HECW1: variants seen among roughly 807,000 people sequenced by gnomAD.
HECW1 encodes HECT, C2 and WW domain containing E3 ubiquitin protein ligase 1.
Under a neutral mutation model 182.3 loss-of-function variants are expected in HECW1, and 61 were observed. The observed-to-expected ratio is 0.33, with a 90% CI of 0.27 to 0.41. The LOEUF (loss-of-function observed/expected upper bound fraction) is 0.41. Among genes scored for constraint, HECW1 ranks in the 10% least tolerant of loss-of-function variants. The pLI is 1.00. For missense variants in HECW1, 1,739 were observed against 2,108.9 expected (o/e 0.82, Z 3.44); for synonymous variants, 859 against 832.6 (o/e 1.03, Z -0.55).
At chr7:43,239,764 A>G (rs1432311089) in intron 2 of HECW1, 1 of 152,162 alleles carries the variant, frequency 6.6e-6, no homozygotes, top group Non-Finnish European at 1.5e-5. Context: ...TTTAAATATC[A>G]CAAGCCCCCT....
chr7:43,344,556 G>C (rs1813432117), intron 5 of HECW1, among the ~76,000 whole-genome samples: 1 of 150,086 alleles, frequency 6.7e-6, no homozygotes, highest in East Asian at 1.9e-4. Flanking sequence ...TGTTCCTTTT[G>C]GATTCATAGG....
At chr7:43,184,573 C>T (rs1168543523) in intron 2 of HECW1, among the ~76,000 whole-genome samples, 2 of 151,998 alleles carry the variant, frequency 1.3e-5, no homozygotes, top group African/African-American at 4.8e-5. Context: ...AGGGGCTGGT[C>T]ATAAGAAAGA....
At chr7:43,273,360 A>C (rs1802660438) in intron 3 of HECW1, among the ~76,000 whole-genome samples, 2 of 152,326 alleles carry the variant, frequency 1.3e-5, no homozygotes, top group East Asian at 3.9e-4. Flanking sequence ...ATAGATTGAA[A>C]TGGTATGAGT....
intron 3 of HECW1, among the ~76,000 whole-genome samples, chr7:43,302,004 T>G (rs1390698293): frequency 2.0e-5 from 3 of 152,178 alleles, no homozygotes; most frequent in Admixed American, 2.0e-4. Flanking sequence ...TACAGCACCT[T>G]GATCCTCCAT....
intron 6 of HECW1, among the ~76,000 whole-genome samples, chr7:43,382,804 T>A (rs1210057779): frequency 6.6e-6 from 1 of 152,196 alleles, no homozygotes; most frequent in Non-Finnish European, 1.5e-5. Context: ...GGGATACATG[T>A]GCTAAACATG....
intron 13 of HECW1, among the ~76,000 whole-genome samples, chr7:43,460,507 C>T (rs1467051867): frequency 6.6e-6 from 1 of 151,704 alleles, no homozygotes; most frequent in African/African-American, 2.4e-5. Context: ...TTTTTTCCTT[C>T]TTGTTTGGCT....
chr7:43,315,554 C>T (rs1201141463), intron 4 of HECW1, among the ~76,000 whole-genome samples: 5 of 151,882 alleles, frequency 3.3e-5, no homozygotes, highest in Non-Finnish European at 7.4e-5. Context: ...AGTACAATGG[C>T]ACGATCCCAG....
chr7:43,445,582 A>C lies in HECW1; in HGVS notation c.2398+12A>C. 1 of 1,552,530 alleles carries C rather than the reference A, an allele frequency of 6.4e-7. No individual in the cohort carries two copies. The highest frequency in any genetic ancestry group is 8.7e-7 in the Non-Finnish European group (1 of 1,145,064). ...CAATCGGAGAGAAGGTTAGACCTCA[A>C]ACCTGATCAGAGTGAGAATAGGACC... On this transcript the variant is annotated intron_variant, in intron 11 of 29. Coordinates refer to ENST00000395891, the MANE Select transcript of HECW1 (RefSeq NM_015052.5).
intron 2 of HECW1, among the ~76,000 whole-genome samples, chr7:43,150,256 A>C (rs1309777848): frequency 6.6e-6 from 1 of 152,236 alleles, no homozygotes; most frequent in Non-Finnish European, 1.5e-5. Flanking sequence ...AGGTTACTTA[A>C]CTTTCTAAGA....
chr7:43,135,716 C>A (rs1266936695), intron 2 of HECW1, among the ~76,000 whole-genome samples: 2 of 152,054 alleles, frequency 1.3e-5, no homozygotes, highest in African/African-American at 4.8e-5. Context: ...CTTTTTGATA[C>A]CTCTGATTTG....
intron 2 of HECW1, among the ~76,000 whole-genome samples, chr7:43,222,313 C>T (rs1469509058): frequency 1.3e-5 from 2 of 152,172 alleles, no homozygotes; most frequent in African/African-American, 2.4e-5. Context: ...GTCAGCTTTC[C>T]TTCCAATAAA....
In HECW1 at chr7:43,552,334, G is replaced by A. The variant is rs774350571; in HGVS notation, c.4508G>A (p.Gly1503Glu). 6.3e-7 allele frequency: 1 copy of A among 1,582,554 alleles called. No homozygotes were observed. The highest frequency in any genetic ancestry group is 1.7e-5 in the Admixed American group (1 of 59,990). Residue 1503 changes from glycine to glutamate, a missense_variant and splice_region_variant, in exon 28 of 30, where the codon GGA becomes GAA. Coordinates refer to ENST00000395891, the MANE Select transcript of HECW1 (RefSeq NM_015052.5). ...TGGCGGAATAACACTGAGTACCGGG[G>A]AGGTGAGTGGGCAGGAGCTGTAATG... ...NDWRNNTEYR[G>E]GYHDGHLVIR...
At chr7:43,431,871 C>T (rs901355505) in intron 8 of HECW1, among the ~76,000 whole-genome samples, 6 of 136,588 alleles carry the variant, frequency 4.4e-5, no homozygotes, top group Non-Finnish European at 9.9e-5. Context: ...TTCATCCCAC[C>T]GACACTTGCT....
Position 43,500,133 on chromosome 7 carries a change from C to T in HECW1, c.3438-566C>T, listed in dbSNP as rs959570101. Among the ~76,000 whole-genome samples, 15 of 150,084 alleles carry T rather than the reference C, an allele frequency of 1.0e-4. No homozygotes were observed. The East Asian group carries it at 2.5e-3, about 25-fold the overall frequency. ...TTTTTTTTTTTGAGATGAAGTCTTC[C>T]TCTGTCGCCCAGGCTGGAGTGCAGT... On this transcript the variant is annotated intron_variant, in intron 19 of 29. Coordinates refer to ENST00000395891, the MANE Select transcript of HECW1 (RefSeq NM_015052.5).
At chr7:43,497,034 A>G (rs1286620934) in intron 19 of HECW1, among the ~76,000 whole-genome samples, 2 of 152,196 alleles carry the variant, frequency 1.3e-5, no homozygotes, top group East Asian at 3.9e-4. Context: ...AGCCATATAC[A>G]GCTGCATAAT....
At chr7:43,412,900 G>A (rs1371785939) in intron 8 of HECW1, among the ~76,000 whole-genome samples, 2 of 148,064 alleles carry the variant, frequency 1.4e-5, no homozygotes, top group Non-Finnish European at 3.0e-5. Context: ...TGTGAATAAT[G>A]CCGCAATAAA....
At chr7:43,294,020 A>G (rs1462067017) in intron 3 of HECW1, among the ~76,000 whole-genome samples, 1 of 152,182 alleles carries the variant, frequency 6.6e-6, no homozygotes, top group African/African-American at 2.4e-5. Flanking sequence ...GAACAGTTTC[A>G]TTTTGAAAAC....
chr7:43,296,662 G>A (rs1233175112), intron 3 of HECW1, among the ~76,000 whole-genome samples: 2 of 152,150 alleles, frequency 1.3e-5, no homozygotes, highest in Non-Finnish European at 2.9e-5. Context: ...GCATCATTCT[G>A]GATTGAGAAA....
intron 24 of HECW1, chr7:43,522,306 A>C (rs1293841900): frequency 6.6e-6 from 1 of 152,162 alleles, no homozygotes; most frequent in African/African-American, 2.4e-5. Flanking sequence ...ATGACCTTCA[A>C]GTAATGACCA....
Sources: gnomAD v4.1 joint callset for allele counts (sites outside exome capture counted in the v4.1 genomes callset) on GRCh38, gnomAD v4.1.1 for gene constraint, MANE v1.5 for transcripts, NCBI Gene and HGNC (gene_info 2026-07-23, HGNC 2026-07-21) for gene names.